Variants in LYZL4 observed in about 807,000 individuals in gnomAD.
The protein encoded by LYZL4 is lysozyme like 4, also known as lysozyme-like protein 4.
A neutral mutation model predicts 17.6 loss-of-function variants in LYZL4; 13 were observed. The ratio of observed to expected loss-of-function variants is 0.74; its 90% CI spans 0.48 to 1.18. The LOEUF is 1.18. LYZL4 is among the 50% of genes most tolerant of loss of function. LYZL4 has a pLI of 0.00. For synonymous variants in LYZL4, 64 were observed against 67.7 expected, an observed-to-expected ratio of 0.95 and a Z score of 0.27; for missense variants, 174 against 188.2, an observed-to-expected ratio of 0.92 and a Z score of 0.44.
chr3:42,391,674 T>C, the LYZL4 span, among the ~76,000 whole-genome samples: 1 of 152,128 alleles, frequency 6.6e-6, no homozygotes, highest in Admixed American at 6.5e-5. Context: ...TTTTGAGGAA[T>C]TTTTAAAGAA....
chr3:42,384,969 A>G, the LYZL4 span, among the ~76,000 whole-genome samples: 1 of 152,324 alleles, frequency 6.6e-6, no homozygotes, highest in South Asian at 2.1e-4. Context: ...TTTCCTAAGG[A>G]GTGGAACAAG....
chr3:42,391,447 A>T, the LYZL4 span, among the ~76,000 whole-genome samples: 1 of 152,228 alleles, frequency 6.6e-6, no homozygotes, highest in African/African-American at 2.4e-5. Context: ...GGGAGACACC[A>T]GGAATATAGG....
rs781322974 is a variant in LYZL4, at chr3:42,406,988, C to A, written c.150G>T (p.Leu50=). 2 of 1,614,196 alleles carry A rather than the reference C, an allele frequency of 1.2e-6. No homozygotes were observed. The highest frequency in any genetic ancestry group is 1.7e-6 in the Non-Finnish European group (2 of 1,180,040). The change falls in exon 3 of 5, where the codon CTG becomes CTT. Residue 50 remains leucine, a synonymous_variant. Coordinates refer to ENST00000287748, the MANE Select transcript of LYZL4 (RefSeq NM_144634.4). ...EGYSLENWVC[L]AYFESKFNPM... is the part of the protein sequence containing the mutation. Reference sequence around the variant, plus strand: ...GGTTGAACTTGCTCTCGAAGTAGGCCAGGCACACCCCTAAGATGGAACAGA... The same window carrying A: ...GGTTGAACTTGCTCTCGAAGTAGGCAAGGCACACCCCTAAGATGGAACAGA...
chr3:42,403,780 T>C (rs2125601847), intron 4 of LYZL4, among the ~76,000 whole-genome samples: 1 of 152,322 alleles, frequency 6.6e-6, no homozygotes, highest in South Asian at 2.1e-4. Context: ...AACACAGATT[T>C]AGTTTGAAGA....
At chr3:42,382,407 C>G in the LYZL4 span, among the ~76,000 whole-genome samples, 1 of 151,866 alleles carries the variant, frequency 6.6e-6, no homozygotes, top group African/African-American at 2.4e-5. Flanking sequence ...TACCAGGATT[C>G]CAATCTATTC....
the LYZL4 span, among the ~76,000 whole-genome samples, chr3:42,387,630 C>T: frequency 2.6e-5 from 4 of 152,120 alleles, no homozygotes; most frequent in Non-Finnish European, 5.9e-5. Context: ...CATTGATTTC[C>T]TTTTAGACAG....
At chr3:42,383,473 T>C in the LYZL4 span, among the ~76,000 whole-genome samples, 1 of 150,846 alleles carries the variant, frequency 6.6e-6, no homozygotes, top group Non-Finnish European at 1.5e-5. Context: ...CTTATTTTAC[T>C]CTTTATATTA....
intron 4 of LYZL4, among the ~76,000 whole-genome samples, chr3:42,401,940 A>G (rs1698660724): frequency 6.6e-6 from 1 of 152,156 alleles, no homozygotes; most frequent in African/African-American, 2.4e-5. Flanking sequence ...CAACAGGGAA[A>G]GAAAAAGAAA....
downstream of LYZL4, among the ~76,000 whole-genome samples, chr3:42,393,849 T>C (rs965625921): frequency 1.3e-5 from 2 of 152,178 alleles, no homozygotes; most frequent in Admixed American, 6.5e-5. Flanking sequence ...TGGAGCGCAG[T>C]GGCGTGATCT....
the LYZL4 span, among the ~76,000 whole-genome samples, chr3:42,366,407 A>C: frequency 6.6e-6 from 1 of 151,998 alleles, no homozygotes; most frequent in African/African-American, 2.4e-5. Flanking sequence ...TGAGGAGGGG[A>C]GGTTGTGGCG....
the LYZL4 span, among the ~76,000 whole-genome samples, chr3:42,378,677 G>A: frequency 6.6e-6 from 1 of 152,112 alleles, no homozygotes; most frequent in Non-Finnish European, 1.5e-5. Flanking sequence ...CTGGTTCCAC[G>A]TGTTAAGGTG....
chr3:42,404,408 G>A (rs1477391260), intron 3 of LYZL4, among the ~76,000 whole-genome samples: 2 of 152,178 alleles, frequency 1.3e-5, no homozygotes, highest in African/African-American at 2.4e-5. Flanking sequence ...ATCATGATCT[G>A]TTCTAACCCT....
rs370623350 is a variant in LYZL4, at chr3:42,404,035, G to T, written c.371+11C>A. ...TCGTTAATACAGGCTACATAAAAAT[G>T]TAAGACTTACCATGCTCCCATCCCT... On this transcript the variant is annotated intron_variant, in intron 4 of 4. Transcript: ENST00000287748. 1.9e-6 allele frequency: 3 copies of T among 1,579,850 alleles called. No individual in the cohort carries two copies. The highest frequency in any genetic ancestry group is 2.7e-5 in the African/African-American group (2 of 74,280).
At chr3:42,378,201 C>T in the LYZL4 span, among the ~76,000 whole-genome samples, 1 of 152,176 alleles carries the variant, frequency 6.6e-6, no homozygotes, top group Non-Finnish European at 1.5e-5. Flanking sequence ...GCATTCCATT[C>T]CCATCTCCCC....
the LYZL4 span, among the ~76,000 whole-genome samples, chr3:42,388,737 T>C: frequency 1.3e-5 from 2 of 152,346 alleles, no homozygotes; most frequent in South Asian, 4.1e-4. Context: ...TGAGATGGGA[T>C]CTCTTGTAAA....
At chr3:42,401,886 T>G (rs1438750860) in intron 4 of LYZL4, among the ~76,000 whole-genome samples, 1 of 152,118 alleles carries the variant, frequency 6.6e-6, no homozygotes, top group Non-Finnish European at 1.5e-5. Context: ...AGGCTGCCAC[T>G]ATTGTCACTT....
chr3:42,409,491 G>T (rs995992921), intron 1 of LYZL4, among the ~76,000 whole-genome samples: 6 of 152,144 alleles, frequency 3.9e-5, no homozygotes, highest in African/African-American at 1.4e-4. Context: ...CCACAGGGCA[G>T]GCATCATCTC....
chr3:42,378,597 T>C, the LYZL4 span, among the ~76,000 whole-genome samples: 1 of 152,176 alleles, frequency 6.6e-6, no homozygotes, highest in African/African-American at 2.4e-5. Flanking sequence ...TCCCTGTATG[T>C]AAAAGGACTG....
the LYZL4 span, among the ~76,000 whole-genome samples, chr3:42,385,686 C>T: frequency 1.3e-5 from 2 of 152,290 alleles, no homozygotes; most frequent in African/African-American, 4.8e-5. Context: ...GCTACCCTCA[C>T]CACTTTCTAG....
Sources: allele counts gnomAD v4.1 joint callset (sites outside exome capture counted in the v4.1 genomes callset), GRCh38; gene constraint gnomAD v4.1.1; transcripts MANE v1.5; gene names NCBI Gene and HGNC (gene_info 2026-07-23, HGNC 2026-07-21).